SLC30A9: variants seen among roughly 807,000 people sequenced by gnomAD.
The protein encoded by SLC30A9 is proton-coupled zinc antiporter SLC30A9, mitochondrial.
SLC30A9 carries 58 observed loss-of-function variants against 87.5 expected under a neutral mutation model. The observed-to-expected ratio is 0.66, with a 90% CI of 0.54 to 0.82. The LOEUF is 0.82. SLC30A9 is among the 40% of genes least tolerant of loss of function. The pLI is 0.00. For missense variants in SLC30A9, 557 were observed against 679.1 expected, an observed-to-expected ratio of 0.82 and a Z score of 2.00; for synonymous variants, 234 against 233.0, an observed-to-expected ratio of 1.00 and a Z score of -0.04.
chr4:42,039,102 T>C (rs776961543), intron 8 of SLC30A9, 49 bp downstream of exon 8: 1 of 1,297,912 alleles, frequency 7.7e-7, no homozygotes, highest in South Asian at 1.2e-5. Flanking sequence ...TTCTTTTAAA[T>C]ATGTATATCC....
chr4:42,076,549 C>T (rs559596208), intron 16 of SLC30A9, among the ~76,000 whole-genome samples: 12 of 152,002 alleles, frequency 7.9e-5, no homozygotes, highest in Non-Finnish European at 1.8e-4. Context: ...TTAGATTCTT[C>T]CGTGTTAATT....
At chr4:42,031,177 A>G (rs1166357940) in intron 6 of SLC30A9, among the ~76,000 whole-genome samples, 1 of 152,172 alleles carries the variant, frequency 6.6e-6, no homozygotes. Context: ...TGCAAAGTCC[A>G]TGTTCTAATA....
intron 11 of SLC30A9, among the ~76,000 whole-genome samples, chr4:42,064,144 A>G (rs1296981409): frequency 1.3e-5 from 2 of 152,198 alleles, no homozygotes; most frequent in Non-Finnish European, 2.9e-5. Context: ...CTACTGAACA[A>G]TCTTAGTAGC....
At chr4:42,037,783 A>G (rs1004917555) in intron 7 of SLC30A9, among the ~76,000 whole-genome samples, 1 of 152,032 alleles carries the variant, frequency 6.6e-6, no homozygotes. Context: ...GGAATTTTTT[A>G]ATATTTTATT....
intron 17 of SLC30A9, among the ~76,000 whole-genome samples, chr4:42,083,481 T>C (rs1004907959): frequency 6.6e-6 from 1 of 152,228 alleles, no homozygotes; most frequent in Non-Finnish European, 1.5e-5. Flanking sequence ...ATTTTAAGGA[T>C]ATTAATCATA....
At chr4:42,033,661 C>T (rs111311484) in intron 6 of SLC30A9, among the ~76,000 whole-genome samples, 8,363 of 152,134 alleles carry the variant, frequency 0.055, 441 homozygotes, top group African/African-American at 0.13. Flanking sequence ...CTGCAACCTC[C>T]GCCTCCTGGG....
chr4:42,024,601 G>A (rs1328206705), intron 6 of SLC30A9, among the ~76,000 whole-genome samples: 2 of 152,014 alleles, frequency 1.3e-5, no homozygotes, highest in African/African-American at 4.8e-5. Context: ...GGATCAAATG[G>A]CATAGGCATT....
At chr4:41,990,942 C>T (rs373377727) in intron 1 of SLC30A9, among the ~76,000 whole-genome samples, 182 bp downstream of exon 1, 3 of 152,096 alleles carry the variant, frequency 2.0e-5, no homozygotes, top group African/African-American at 2.4e-5. Context: ...AGGTCTCTGA[C>T]TCTGATGCCT....
At chr4:42,029,859 TA>T in intron 6 of SLC30A9, 1 of 716,914 alleles carries the variant, frequency 1.4e-6, no homozygotes, top group Non-Finnish European at 2.6e-6. Context: ...GTGCACTGGC[TA>T]GCAAGATGAA....
chr4:42,069,593 T>C (rs1261066441), intron 14 of SLC30A9, among the ~76,000 whole-genome samples: 1 of 152,186 alleles, frequency 6.6e-6, no homozygotes, highest in African/African-American at 2.4e-5. Context: ...ATATGTTTTA[T>C]CAAGCATTAA....
intron 7 of SLC30A9, 128 bp downstream of exon 7, chr4:42,035,461 T>G: frequency 9.5e-7 from 1 of 1,048,850 alleles, no homozygotes; most frequent in Non-Finnish European, 1.3e-6. Flanking sequence ...TGTAGTTCAC[T>G]GAATTATAGT....
intron 9 of SLC30A9, among the ~76,000 whole-genome samples, chr4:42,059,732 T>C (rs1717767954): frequency 6.8e-6 from 1 of 146,782 alleles, no homozygotes; most frequent in Admixed American, 7.1e-5. Flanking sequence ...TTTTAAACCT[T>C]TTCTGTGCTT....
chr4:42,011,011 C>T lies in SLC30A9; in HGVS notation c.275-7100C>T, dbSNP rs150595156. 9.0e-3 allele frequency among the ~76,000 whole-genome samples: 1,368 copies of T among 152,176 alleles called. 21 individuals carry two copies. Among genetic ancestry groups the T allele is most frequent in the African/African-American group, 0.032 (1,315 of 41,502 alleles). ...AGAAGGAGACTGAAAATAGCTAATT[C>T]CAGTTGCTACCTGAGGCTGTGTCTT... is the stretch of plus-strand genomic sequence containing the variant. On this transcript the variant is annotated intron_variant, in intron 2 of 17. Transcript: ENST00000264451.
chr4:42,008,131 C>T (rs947507921), intron 2 of SLC30A9, among the ~76,000 whole-genome samples: 5 of 152,180 alleles, frequency 3.3e-5, no homozygotes, highest in African/African-American at 7.2e-5. Context: ...CCTTTTGGTT[C>T]GGAGAAAATG....
intron 17 of SLC30A9, among the ~76,000 whole-genome samples, chr4:42,085,087 C>A (rs1718875851): frequency 1.3e-5 from 2 of 152,180 alleles, no homozygotes; most frequent in Non-Finnish European, 2.9e-5. Flanking sequence ...ACCCTTTTTG[C>A]AGCTTCTGTG....
chr4:42,025,447 A>G (rs771924076), intron 6 of SLC30A9, among the ~76,000 whole-genome samples: 62 of 152,168 alleles, frequency 4.1e-4, no homozygotes, highest in Non-Finnish European at 6.5e-4. Flanking sequence ...TGAAAATAGT[A>G]TGTCTCTTTT....
At chr4:42,053,604 G>T (rs911133540) in intron 9 of SLC30A9, among the ~76,000 whole-genome samples, 1 of 143,586 alleles carries the variant, frequency 7.0e-6, no homozygotes, top group Non-Finnish European at 1.5e-5. Context: ...CAGGAGAATC[G>T]CTTGAACCCG....
Position 42,001,650 on chromosome 4 carries a change from A to G in SLC30A9, c.144A>G (p.Ser48=). ...ATTTAGTGACATTTGGAAGCTTTTC[A>G]AACATGGTTCCCTGTAGTCATCCAT... is the stretch of plus-strand genomic sequence containing the variant. ...WQNLVTFGSF[S]NMVPCSHPYI... is the part of the protein sequence containing the mutation. The change falls in exon 2 of 18, where the codon TCA becomes TCG. Residue 48 remains serine, a synonymous_variant. Transcript: ENST00000264451. 6.2e-7 allele frequency: 1 copy of G among 1,600,046 alleles called. No individual in the cohort carries two copies. Among genetic ancestry groups the G allele is most frequent in the Non-Finnish European group, 8.5e-7 (1 of 1,171,546 alleles).
intron 4 of SLC30A9, among the ~76,000 whole-genome samples, chr4:42,021,744 CGTTTTTTTTGTTT>C (rs886583269): frequency 6.6e-6 from 1 of 151,522 alleles, no homozygotes; most frequent in African/African-American, 2.4e-5. Flanking sequence ...TTCTTCTTTT[CGTTTTTTTTGTTT>C]GTTTTTTTTT....
Sources: allele counts gnomAD v4.1 joint callset (sites outside exome capture counted in the v4.1 genomes callset), GRCh38; gene constraint gnomAD v4.1.1; transcripts MANE v1.5; gene names NCBI Gene and HGNC (gene_info 2026-07-23, HGNC 2026-07-21).